Variants in BMERB1 observed in about 807,000 individuals in gnomAD.
BMERB1 encodes bMERB domain containing 1, also known as bMERB domain-containing protein 1.
Under a neutral mutation model 23.6 loss-of-function variants are expected in BMERB1, and 12 were observed. That is an observed-to-expected ratio of 0.51 (90% confidence interval 0.33 to 0.82). BMERB1 has a LOEUF of 0.82. Among genes scored for constraint, BMERB1 ranks in the 40% least tolerant of loss-of-function variants. The pLI is 0.03. For missense variants in BMERB1, 247 were observed against 255.4 expected, an observed-to-expected ratio of 0.97 and a Z score of 0.22; for synonymous variants, 122 against 96.6, an observed-to-expected ratio of 1.26 and a Z score of -1.54.
intron 1 of BMERB1, among the ~76,000 whole-genome samples, chr16:15,456,382 G>C: frequency 6.6e-6 from 1 of 151,328 alleles, no homozygotes; most frequent in East Asian, 1.9e-4. Context: ...TGTCACCCAG[G>C]CTGGAGTGCA....
intron 1 of BMERB1, among the ~76,000 whole-genome samples, chr16:15,456,360 A>G (rs1432924678): frequency 6.7e-6 from 1 of 149,004 alleles, no homozygotes; most frequent in Admixed American, 6.7e-5. Context: ...TTTTTGAGAG[A>G]AAGTCTAGTT....
intron 2 of BMERB1, among the ~76,000 whole-genome samples, chr16:15,555,262 C>T (rs2030220760): frequency 1.3e-5 from 2 of 152,054 alleles, no homozygotes; most frequent in African/African-American, 4.8e-5. Context: ...TGTGTAGAGA[C>T]AGAGTCTCGC....
intron 2 of BMERB1, among the ~76,000 whole-genome samples, chr16:15,523,970 A>G (rs976846557): frequency 2.6e-5 from 4 of 152,036 alleles, no homozygotes; most frequent in African/African-American, 4.8e-5. Flanking sequence ...ATTAAGTGCA[A>G]CTCTACCCTG....
intron 1 of BMERB1, among the ~76,000 whole-genome samples, chr16:15,455,246 C>T (rs1382144241): frequency 2.6e-5 from 4 of 151,072 alleles, no homozygotes; most frequent in African/African-American, 7.3e-5. Context: ...ATCACTTGAA[C>T]CCGGGAGATG....
intron 1 of BMERB1, among the ~76,000 whole-genome samples, chr16:15,502,531 C>T (rs573557873): frequency 2.0e-5 from 3 of 152,212 alleles, no homozygotes; most frequent in African/African-American, 4.8e-5. Context: ...ATTACATTCA[C>T]GTTATAGCAA....
Position 15,494,974 on chromosome 16 carries a change from C to T in BMERB1, c.107-20331C>T, listed in dbSNP as rs113162780. On this transcript the variant is annotated intron_variant, in intron 1 of 5. Coordinates refer to ENST00000300006, the MANE Select transcript of BMERB1 (RefSeq NM_033201.3). The stretch of plus-strand genomic sequence containing the variant: ...TCTCAGCTCACTGCAATCTCTGCCT[C>T]CCGGGTTTAAGTGATTCTTGTGCCT... 5.2e-3 allele frequency among the ~76,000 whole-genome samples: 758 copies of T among 144,600 alleles called. 4 individuals are homozygous for T. The highest frequency in any genetic ancestry group is 0.04 in the Middle Eastern group (10 of 250). 94.9% of individuals were successfully genotyped at this position (144,600 alleles called of 152,430 possible).
chr16:15,586,510 ATATAAAATGAGGAC>A (rs566399888), intron 5 of BMERB1, among the ~76,000 whole-genome samples, 193 bp from the exon 6 acceptor site: 3 of 151,140 alleles, frequency 2.0e-5, no homozygotes, highest in Non-Finnish European at 3.0e-5. Flanking sequence ...ATTGAGGACC[ATATAAAATGAGGAC>A]TATAAAATGA....
At chr16:15,477,164 A>T (rs974891593) in intron 1 of BMERB1, among the ~76,000 whole-genome samples, 7 of 152,098 alleles carry the variant, frequency 4.6e-5, no homozygotes, top group African/African-American at 1.7e-4. Flanking sequence ...TCACCCTTCC[A>T]CATGTCTGGG....
chr16:15,552,709 G>T (rs923101642), intron 2 of BMERB1, among the ~76,000 whole-genome samples: 1 of 152,350 alleles, frequency 6.6e-6, no homozygotes, highest in South Asian at 2.1e-4. Flanking sequence ...GGCCTTGGTA[G>T]CTGGCCTATG....
At chr16:15,521,207 G>T (rs544769835) in intron 2 of BMERB1, among the ~76,000 whole-genome samples, 5 of 152,276 alleles carry the variant, frequency 3.3e-5, no homozygotes, top group Non-Finnish European at 7.4e-5. Context: ...TCTATGCGGC[G>T]AGCAGCAGGA....
At position 15,588,042 on chromosome 16, in the gene BMERB1, G is replaced by T. The variant is rs2031197009; in HGVS notation, c.*1213G>T. On this transcript the variant is annotated 3_prime_UTR_variant, in exon 6 of 6. Transcript: ENST00000300006. ...GTAAATCATTTTAAAAGTACAAAAA[G>T]TATGAAGAAGTTTGTCTTAAAAAAA... The T allele has an allele frequency of 7.5e-6, 1 of 132,916 alleles. No homozygotes were observed. Among genetic ancestry groups the T allele is most frequent in the Admixed American group, 7.9e-5 (1 of 12,646 alleles). The allele number at this position is 132,916 out of a possible 1,614,324, so 8.2% of individuals were successfully genotyped here.
At chr16:15,550,839 A>C (rs1052408630) in intron 2 of BMERB1, among the ~76,000 whole-genome samples, 1 of 152,172 alleles carries the variant, frequency 6.6e-6, no homozygotes, top group African/African-American at 2.4e-5. Context: ...AACCTCTCTG[A>C]GAGTTCTGTA....
At chr16:15,455,328 A>AG (rs891338750) in intron 1 of BMERB1, among the ~76,000 whole-genome samples, 1 of 148,002 alleles carries the variant, frequency 6.8e-6, no homozygotes, top group African/African-American at 2.6e-5. Context: ...TGTCTCAAAA[A>AG]AAAAAAAAAG....
intron 2 of BMERB1, among the ~76,000 whole-genome samples, chr16:15,521,308 ACAGT>A (rs1179384277): frequency 1.3e-5 from 2 of 152,350 alleles, no homozygotes; most frequent in East Asian, 3.9e-4. Flanking sequence ...TCCAATGCAG[ACAGT>A]CAAAGTTTGT....
chr16:15,535,679 A>G (rs2052018122), intron 2 of BMERB1, among the ~76,000 whole-genome samples: 1 of 151,936 alleles, frequency 6.6e-6, no homozygotes, highest in African/African-American at 2.4e-5. Flanking sequence ...GAAAAGAAAA[A>G]AGAAAGCTTA....
At chr16:15,503,716 A>T (rs1048201602) in intron 1 of BMERB1, among the ~76,000 whole-genome samples, 1 of 152,310 alleles carries the variant, frequency 6.6e-6, no homozygotes, top group Middle Eastern at 3.4e-3. Flanking sequence ...GGCAGGAGTT[A>T]TTAGTCCCAT....
intron 3 of BMERB1, among the ~76,000 whole-genome samples, chr16:15,578,711 G>T (rs1010416947): frequency 1.3e-5 from 2 of 152,082 alleles, no homozygotes; most frequent in Non-Finnish European, 2.9e-5. Flanking sequence ...TTCTCACTGT[G>T]CCTTTGTGTG....
At chr16:15,457,938 C>T (rs948498474) in intron 1 of BMERB1, among the ~76,000 whole-genome samples, 6 of 152,134 alleles carry the variant, frequency 3.9e-5, no homozygotes, top group African/African-American at 7.2e-5. Flanking sequence ...AGAGAAAGAA[C>T]GAGCAAGAAC....
intron 1 of BMERB1, among the ~76,000 whole-genome samples, chr16:15,484,824 C>T (rs2150936734): frequency 6.6e-6 from 1 of 152,304 alleles, no homozygotes; most frequent in African/African-American, 2.4e-5. Flanking sequence ...CCTCTAGATG[C>T]CAAACATTTT....
Sources: gnomAD v4.1 joint callset for allele counts (sites outside exome capture counted in the v4.1 genomes callset) on GRCh38, gnomAD v4.1.1 for gene constraint, MANE v1.5 for transcripts, NCBI Gene and HGNC (gene_info 2026-07-23, HGNC 2026-07-21) for gene names.